ZNF786: variants seen among roughly 807,000 people sequenced by gnomAD.
ZNF786 encodes the protein zinc finger protein 786.
ZNF786 carries 56 observed loss-of-function variants against 63.1 expected under a neutral mutation model. That is an observed-to-expected ratio of 0.89 (90% CI 0.72 to 1.11). The LOEUF (loss-of-function observed/expected upper bound fraction) is 1.11. Ranked by LOEUF, ZNF786 falls within the 50% of genes least tolerant of loss-of-function variation. ZNF786 has a pLI of 0.00. For missense variants in ZNF786, 1,213 were observed against 1,041.8 expected (o/e 1.16, Z -2.26); for synonymous variants, 485 against 406.9 (o/e 1.19, Z -2.31).
rs1489769325 is a variant in ZNF786, at chr7:149,071,079, AC to A, written c.1692del (p.Phe565SerfsTer40). The stretch of plus-strand genomic sequence containing the variant: ...CCCTTGCCACACTCCCCGCACGAGA[AC>A]GGCCTCTCCTTGCTGTGCGTGTGCT... ...AHQHTHSKER[P>X]FSCGECGKGF... On this transcript the variant is annotated frameshift_variant, in exon 4 of 4. Coordinates refer to ENST00000491431, the MANE Select transcript of ZNF786 (RefSeq NM_152411.4). LOFTEE classifies it high-confidence loss of function. The A allele has an allele frequency of 6.2e-7, 1 of 1,612,148 alleles. No homozygotes were observed. Among genetic ancestry groups the A allele is most frequent in the South Asian group, 1.1e-5 (1 of 91,046 alleles).
chr7:149,090,674 C>T lies in ZNF786; in HGVS notation c.-34G>A, dbSNP rs746881610. 6.4e-6 allele frequency: 10 copies of T among 1,573,074 alleles called. No homozygotes were observed. The highest frequency in any genetic ancestry group is 8.6e-6 in the Non-Finnish European group (10 of 1,158,210). On this transcript the variant is annotated 5_prime_UTR_variant, in exon 1 of 4. Coordinates refer to ENST00000491431, the MANE Select transcript of ZNF786 (RefSeq NM_152411.4). ...CGGTCCCGCCCGGCCCTGGCAAACC[C>T]GACCGTCTCCGGCGGCTCCGCAGGA...
chr7:149,071,787 C>T lies in ZNF786; in HGVS notation c.985G>A (p.Gly329Ser). The change falls in exon 4 of 4, where the codon GGC becomes AGC. Residue 329 changes from glycine to serine, a missense_variant. Physicochemically the swap from Gly to Ser is moderately conservative, Grantham distance 56. Coordinates refer to ENST00000491431, the MANE Select transcript of ZNF786 (RefSeq NM_152411.4). The part of the protein sequence containing the change: ...SREGPASWRE[G>S]RGASSSVHSG... Reference sequence around the variant, plus strand: ...TGCACACTGCTGGAGGCCCCGCGGCCTTCTCTCCAAGAGGCCGGCCCCTCC... The same window carrying T: ...TGCACACTGCTGGAGGCCCCGCGGCTTTCTCTCCAAGAGGCCGGCCCCTCC... 1.3e-6 allele frequency: 2 copies of T among 1,582,338 alleles called. No individual in the cohort carries two copies. The highest frequency in any genetic ancestry group is 1.7e-6 in the Non-Finnish European group (2 of 1,169,226).
rs1825817357 is a variant in ZNF786, at chr7:149,090,693, C to CT, written c.-54_-53insA. The CT allele has an allele frequency of 1.3e-6, 2 of 1,559,064 alleles. No homozygotes were observed. The highest frequency in any genetic ancestry group is 1.7e-6 in the Non-Finnish European group (2 of 1,151,304). On this transcript the variant is annotated 5_prime_UTR_variant, in exon 1 of 4. Transcript: ENST00000491431. ...CAAACCCGACCGTCTCCGGCGGCTC[C>CT]GCAGGAACCTGCCCTGCTGCGCACT...
In ZNF786 at chr7:149,070,828, AG is replaced by A; in HGVS notation, c.1943del (p.Pro648LeufsTer11). The A allele has an allele frequency of 6.2e-7, 1 of 1,613,304 alleles. No individual in the cohort carries two copies. The highest frequency in any genetic ancestry group is 8.5e-7 in the Non-Finnish European group (1 of 1,179,826). On this transcript the variant is annotated frameshift_variant, in exon 4 of 4. Transcript: ENST00000491431. LOFTEE classifies it high-confidence loss of function. Reference sequence around the variant, plus strand: ...AGCCCTTGCCGCACTCACAGGAGAAAGGCATCTCCCCGCTGTGCAGCAGCTG... The same window carrying A: ...AGCCCTTGCCGCACTCACAGGAGAAAGCATCTCCCCGCTGTGCAGCAGCTG... ...AHQLLHSGEM[P>X]FSCECGKGFV...
Position 149,071,099 on chromosome 7 carries a change from G to C in ZNF786, c.1673C>G (p.Thr558Arg). Reference protein sequence around the residue: ...LKGILKAHQHTHSKERPFSCG... With the variant: ...LKGILKAHQHRHSKERPFSCG... ...CGAGAACGGCCTCTCCTTGCTGTGC[G>C]TGTGCTGGTGGGCCTTCAGGATGCC... The change falls in exon 4 of 4, where the codon ACG becomes AGG. Residue 558 changes from threonine to arginine, a missense_variant. Thr to Arg is a moderately conservative substitution (Grantham distance 71). Transcript: ENST00000491431. The C allele has an allele frequency of 6.2e-7, 1 of 1,605,920 alleles. No homozygotes were observed. The highest frequency in any genetic ancestry group is 8.5e-7 in the Non-Finnish European group (1 of 1,177,632).
Position 149,072,067 on chromosome 7 carries a change from C to A in ZNF786, c.705G>T (p.Arg235=), listed in dbSNP as rs531150990. 4.3e-5 allele frequency: 69 copies of A among 1,613,232 alleles called. No homozygotes were observed. The South Asian group carries it at 7.4e-4, about 17-fold the overall frequency. Residue 235 remains arginine, a synonymous_variant, in exon 4 of 4, where the codon CGG becomes CGT. Transcript: ENST00000491431. ...CGCCACACCGGAAGTGCCTCTGTAC[C>A]CGAGGGCTGCTCCACGGCATCTGCG... ...AETQMPWSSP[R]VQRHFRCGVC... is the part of the protein sequence containing the mutation.
At chr7:149,080,759 C>T in intron 1 of ZNF786, 42 bp from the exon 2 acceptor site, 2 of 1,552,832 alleles carry the variant, frequency 1.3e-6, no homozygotes, top group Non-Finnish European at 1.7e-6. Context: ...ATGGTTGCTT[C>T]AAAATGACTC....
chr7:149,088,156 C>G (rs1157297993), intron 1 of ZNF786, among the ~76,000 whole-genome samples: 1 of 152,032 alleles, frequency 6.6e-6, no homozygotes, highest in African/African-American at 2.4e-5. Flanking sequence ...GTGCCCGCCA[C>G]CACGTCCAGC....
At position 149,076,902 on chromosome 7, in the gene ZNF786, A is replaced by G. The variant is rs557957726; in HGVS notation, c.146-2364T>C. 1.2e-4 allele frequency among the ~76,000 whole-genome samples: 18 copies of G among 152,210 alleles called. No individual in the cohort carries two copies. In the South Asian group the frequency reaches 3.5e-3, roughly 30 times the overall value. ...TTCTTCTGCTCCCTGGCATGCCTCT[A>G]TGAATACACACATAAGCATTGACAG... On this transcript the variant is annotated intron_variant, in intron 2 of 3. Transcript: ENST00000491431.
chr7:149,076,276 G>C (rs902339595), intron 2 of ZNF786, among the ~76,000 whole-genome samples: 1 of 151,318 alleles, frequency 6.6e-6, no homozygotes, highest in Admixed American at 6.6e-5. Context: ...CACCATACCT[G>C]GCTAATTTTT....
intron 1 of ZNF786, among the ~76,000 whole-genome samples, chr7:149,084,629 T>A (rs1162772133): frequency 6.6e-6 from 1 of 152,214 alleles, no homozygotes; most frequent in Admixed American, 6.5e-5. Flanking sequence ...TTCATGTCCT[T>A]TGCCCATTTT....
Position 149,070,851 on chromosome 7 carries a change from G to T in ZNF786, c.1921C>A (p.Leu641Met). 6.2e-7 allele frequency: 1 copy of T among 1,612,594 alleles called. No individual in the cohort carries two copies. The highest frequency in any genetic ancestry group is 8.5e-7 in the Non-Finnish European group (1 of 1,179,618). The change falls in exon 4 of 4, where the codon CTG becomes ATG. Residue 641 changes from leucine to methionine, a missense_variant. Physicochemically the swap from Leu to Met is conservative, Grantham distance 15. Transcript: ENST00000491431. ...RVKADMKAHQ[L>M]LHSGEMPFSC... ...AAAGGCATCTCCCCGCTGTGCAGCA[G>T]CTGGTGGGCCTTCATGTCGGCCTTC...
chr7:149,073,112 CAAG>C (rs777818810), intron 3 of ZNF786, among the ~76,000 whole-genome samples: 47 of 152,294 alleles, frequency 3.1e-4, no homozygotes, highest in Non-Finnish European at 3.1e-4. Context: ...GCCAATGTTT[CAAG>C]AAGGTTTCTT....
chr7:149,074,574 C>T (rs1486406572), intron 2 of ZNF786, 36 bp from the exon 3 acceptor site: 14 of 1,592,640 alleles, frequency 8.8e-6, no homozygotes, highest in Non-Finnish European at 1.2e-5. Flanking sequence ...GTTTGGCTTC[C>T]TGAATTTAAA....
chr7:149,087,027 G>C (rs567313804), intron 1 of ZNF786, among the ~76,000 whole-genome samples: 1 of 152,032 alleles, frequency 6.6e-6, no homozygotes, highest in African/African-American at 2.4e-5. Flanking sequence ...ATTTTTAGTA[G>C]AGGCAGGGTT....
rs995736161 is a variant in ZNF786 at position 149,073,651 on chromosome 7, ATAC to A, written c.298+732_298+734del. Reference sequence around the variant, plus strand: ...TCAATATATATACACATATATATGTATACATATATACACATATATTTATGTATA... The same window carrying A: ...TCAATATATATACACATATATATGTAATATATACACATATATTTATGTATA... On this transcript the variant is annotated intron_variant, in intron 3 of 3. Transcript: ENST00000491431. Among the ~76,000 whole-genome samples, 3 of 150,348 alleles carry A rather than the reference ATAC, an allele frequency of 2.0e-5. No homozygotes were observed. The Admixed American group carries it at 2.0e-4, about 10-fold the overall frequency.
rs887530501 is a variant in ZNF786 at position 149,070,138 on chromosome 7, T to A, written c.*285A>T. The A allele has an allele frequency of 3.9e-6, 1 of 256,084 alleles. No homozygotes were observed. Among genetic ancestry groups the A allele is most frequent in the Non-Finnish European group, 7.5e-6 (1 of 133,748 alleles). 15.9% of individuals were successfully genotyped at this position (256,084 alleles called of 1,614,324 possible). A position where few individuals can be genotyped will look rare whatever the true frequency, so the allele number is the denominator to read the frequency against. ...ATAAAATTATGTCCTTGTTTTATAA[T>A]GCTGTCTTTTCCAATATAGCTGGGA... is the stretch of plus-strand genomic sequence containing the variant. On this transcript the variant is annotated 3_prime_UTR_variant, in exon 4 of 4. Coordinates refer to ENST00000491431, the MANE Select transcript of ZNF786 (RefSeq NM_152411.4).
chr7:149,089,816 C>G (rs1825801052), intron 1 of ZNF786, among the ~76,000 whole-genome samples: 1 of 151,816 alleles, frequency 6.6e-6, no homozygotes, highest in African/African-American at 2.4e-5. Flanking sequence ...CGGGTTCAAA[C>G]AATTCTCCTG....
chr7:149,087,796 GTT>G (rs774798471), intron 1 of ZNF786, among the ~76,000 whole-genome samples: 1 of 142,680 alleles, frequency 7.0e-6, no homozygotes, highest in Non-Finnish European at 1.5e-5. Context: ...GTTCTTTTAG[GTT>G]TTTTTTTTTT....
Sources: allele counts gnomAD v4.1 joint callset (sites outside exome capture counted in the v4.1 genomes callset), GRCh38; gene constraint gnomAD v4.1.1; transcripts MANE v1.5; gene names NCBI Gene and HGNC (gene_info 2026-07-23, HGNC 2026-07-21).